The following TTLL7 variants were observed in gnomAD, a reference collection of about 807,000 sequenced individuals.
The protein encoded by TTLL7 is tubulin tyrosine ligase like 7.
A neutral mutation model predicts 120.2 loss-of-function variants in TTLL7; 53 were observed. That is an observed-to-expected ratio of 0.44 (90% CI 0.35 to 0.55). The LOEUF (loss-of-function observed/expected upper bound fraction) is 0.55. TTLL7 is among the 20% of genes least tolerant of loss of function. The pLI, the probability that TTLL7 is intolerant of heterozygous loss-of-function variation, is 0.00. For synonymous variants in TTLL7, 353 were observed against 351.7 expected (o/e 1.00, Z -0.04); for missense variants, 803 against 1,054.7 (o/e 0.76, Z 3.31).
At chr1:83,964,199 C>T (rs1650252192) in intron 1 of TTLL7, among the ~76,000 whole-genome samples, 1 of 152,120 alleles carries the variant, frequency 6.6e-6, no homozygotes, top group Admixed American at 6.6e-5. Context: ...CCAAACCCCA[C>T]TCCAAATCTT....
At chr1:83,986,648 C>A (rs957229734) in intron 1 of TTLL7, among the ~76,000 whole-genome samples, 1 of 152,124 alleles carries the variant, frequency 6.6e-6, no homozygotes, top group Non-Finnish European at 1.5e-5. Context: ...AGTTCGAGAC[C>A]AGCCTGACCA....
chr1:83,905,255 C>A lies in TTLL7; in HGVS notation c.2127+1074G>T, dbSNP rs1459594208. ...AGCACCTAGCTTGCAAACAAGTTAC[C>A]ATTTTCACTTTTTAAAAATATATAT... On this transcript the variant is annotated intron_variant, in intron 17 of 20. Transcript: ENST00000260505. Among the ~76,000 whole-genome samples the A allele has an allele frequency of 1.5e-4, 22 of 151,610 alleles. No individual in the cohort carries two copies. In the East Asian group the frequency reaches 4.3e-3, roughly 29 times the overall value.
chr1:83,989,855 T>C (rs1652819954), intron 1 of TTLL7, among the ~76,000 whole-genome samples: 1 of 152,166 alleles, frequency 6.6e-6, no homozygotes, highest in African/African-American at 2.4e-5. Flanking sequence ...CAGTGTCTTG[T>C]AGCTGTCCTT....
At position 83,871,557 on chromosome 1, in the gene TTLL7, T is replaced by A. The variant is rs370330828; in HGVS notation, c.2544-1475A>T. Among the ~76,000 whole-genome samples the A allele has an allele frequency of 1.2e-4, 18 of 152,192 alleles. 4 individuals carry two copies. The highest frequency in any genetic ancestry group is 1.5e-5 in the Non-Finnish European group (1 of 67,976). ...GTAATTAGTCTTGGGAAATAAACAG[T>A]GGGACGGTATCAAATCGTTTATTTT... On this transcript the variant is annotated intron_variant, in intron 20 of 20. Transcript: ENST00000260505.
At position 83,911,926 on chromosome 1, in the gene TTLL7, T is replaced by C. The variant is rs555359321; in HGVS notation, c.1588-563A>G. Among the ~76,000 whole-genome samples, 5 of 152,192 alleles carry C rather than the reference T, an allele frequency of 3.3e-5. No individual in the cohort carries two copies. The East Asian group carries it at 7.7e-4, about 23-fold the overall frequency. On this transcript the variant is annotated intron_variant, in intron 14 of 20. Transcript: ENST00000260505. ...AATAAGAATACTAAAACATTGCCTG[T>C]GAGCCTATCCATTCAGACAATGTGC...
chr1:83,957,575 T>G (rs1285990106), intron 1 of TTLL7, among the ~76,000 whole-genome samples: 1 of 152,184 alleles, frequency 6.6e-6, no homozygotes, highest in East Asian at 1.9e-4. Context: ...TGGGAAAATG[T>G]AGGCTCCAAG....
intron 7 of TTLL7, among the ~76,000 whole-genome samples, 157 bp downstream of exon 7, chr1:83,942,306 A>C (rs1322220203): frequency 6.6e-6 from 1 of 152,208 alleles, no homozygotes; most frequent in Non-Finnish European, 1.5e-5. Context: ...GCTGCCTGTA[A>C]GTTAAAAGCA....
chr1:83,932,240 C>A (rs1195712481), intron 9 of TTLL7, among the ~76,000 whole-genome samples: 1 of 152,100 alleles, frequency 6.6e-6, no homozygotes, highest in Non-Finnish European at 1.5e-5. Context: ...TGTGCCTTCA[C>A]TTTTTCCCCA....
chr1:83,882,252 AAATAAT>A (rs373994232), intron 20 of TTLL7, among the ~76,000 whole-genome samples: 13 of 149,612 alleles, frequency 8.7e-5, no homozygotes, highest in East Asian at 3.9e-4. Flanking sequence ...AATAAAATAA[AAATAAT>A]AATAATAATA....
chr1:83,935,568 A>T (rs1402623950), intron 8 of TTLL7, among the ~76,000 whole-genome samples: 1 of 152,024 alleles, frequency 6.6e-6, no homozygotes, highest in African/African-American at 2.4e-5. Context: ...CTCATTTTTA[A>T]TCTCCATGGC....
chr1:83,945,267 A>G (rs932562339), intron 6 of TTLL7, among the ~76,000 whole-genome samples: 19 of 152,242 alleles, frequency 1.2e-4, no homozygotes, highest in Non-Finnish European at 1.5e-4. Flanking sequence ...GACACCCTTT[A>G]AAGTCAAAGA....
intron 6 of TTLL7, among the ~76,000 whole-genome samples, chr1:83,944,187 A>G (rs1476560568): frequency 2.0e-5 from 3 of 152,166 alleles, no homozygotes; most frequent in Non-Finnish European, 4.4e-5. Context: ...CAACACACAC[A>G]TAACAGGAGT....
chr1:83,933,259 AGAG>A (rs1659757334), intron 9 of TTLL7, among the ~76,000 whole-genome samples: 1 of 152,168 alleles, frequency 6.6e-6, no homozygotes, highest in Non-Finnish European at 1.5e-5. Context: ...GCACTCACAG[AGAG>A]GAGAGACACT....
At chr1:83,927,370 C>T (rs1447704483) in intron 10 of TTLL7, among the ~76,000 whole-genome samples, 1 of 152,056 alleles carries the variant, frequency 6.6e-6, no homozygotes, top group Non-Finnish European at 1.5e-5. Context: ...AAAGTTCCTT[C>T]TAGAGCTCCA....
At chr1:83,917,815 G>GA (rs1167630072) in intron 13 of TTLL7, 125 bp from the exon 14 acceptor site, 4 of 641,140 alleles carry the variant, frequency 6.2e-6, no homozygotes, top group Non-Finnish European at 1.1e-5. Context: ...AGATTGCTCA[G>GA]AAAAAAGGAG....
intron 18 of TTLL7, chr1:83,901,880 C>G (rs918324681): frequency 6.6e-6 from 1 of 151,912 alleles, no homozygotes; most frequent in Non-Finnish European, 1.5e-5. Flanking sequence ...TGAAGGAATT[C>G]GACAACTTCA....
chr1:83,970,700 G>C (rs931077267), intron 1 of TTLL7, among the ~76,000 whole-genome samples: 1 of 152,088 alleles, frequency 6.6e-6, no homozygotes, highest in Admixed American at 6.6e-5. Context: ...CTCTTAGTTT[G>C]AGGCCCCCAG....
chr1:83,884,741 G>A (rs977197446), intron 19 of TTLL7, among the ~76,000 whole-genome samples: 3 of 111,410 alleles, frequency 2.7e-5, no homozygotes, highest in Non-Finnish European at 5.3e-5. Context: ...GGGGAGGGGG[G>A]AGGGATAGCA....
intron 20 of TTLL7, among the ~76,000 whole-genome samples, chr1:83,872,936 C>T (rs1224898052): frequency 6.6e-6 from 1 of 152,118 alleles, no homozygotes; most frequent in East Asian, 1.9e-4. Context: ...TAGTAAGTGG[C>T]AGAGCCAGGA....
Sources: allele counts gnomAD v4.1 joint callset (sites outside exome capture counted in the v4.1 genomes callset), GRCh38; gene constraint gnomAD v4.1.1; transcripts MANE v1.5; gene names NCBI Gene and HGNC (gene_info 2026-07-23, HGNC 2026-07-21).